The following ZNF234 variants were observed in gnomAD, a reference collection of about 807,000 sequenced individuals.
ZNF234 encodes C2-H2 type zinc finger protein.
Under a neutral mutation model 10.3 loss-of-function variants are expected in ZNF234, and 4 were observed. That is an observed-to-expected ratio of 0.39 (90% CI 0.19 to 0.89). The LOEUF is 0.89. ZNF234 is among the 40% of genes least tolerant of loss of function. ZNF234 has a pLI of 0.38. For synonymous variants in ZNF234, 258 were observed against 280.1 expected (o/e 0.92, Z 0.79); for missense variants, 711 against 836.1 (o/e 0.85, Z 1.85).
Position 44,158,254 on chromosome 19 carries a change from TTTTG to T in ZNF234, c.*139_*142del, listed in dbSNP as rs756684960. 11 of 1,062,682 alleles carry T rather than the reference TTTTG, an allele frequency of 1.0e-5. No individual in the cohort carries two copies. The highest frequency in any genetic ancestry group is 1.6e-5 in the Non-Finnish European group (11 of 704,250). 65.8% of individuals were successfully genotyped at this position (1,062,682 alleles called of 1,614,324 possible). On this transcript the variant is annotated 3_prime_UTR_variant, in exon 6 of 6. Transcript: ENST00000426739. ...GCTCCACATTTCCACCTAGACTTTTTTTTGTTTTTTATTTTTTGTTTTGAAACAG... is the reference window on the plus strand; with the variant it reads ...GCTCCACATTTCCACCTAGACTTTTTTTTTTTATTTTTTGTTTTGAAACAG...
At chr19:44,142,197 T>C (rs900811663) in intron 1 of ZNF234, 117 bp from the exon 2 acceptor site, 4 of 152,270 alleles carry the variant, frequency 2.6e-5, no homozygotes, top group African/African-American at 9.6e-5. Context: ...GGACGCCTTC[T>C]GACCTCTTTT....
At position 44,148,887 on chromosome 19, in the gene ZNF234, G is replaced by A. The variant is rs751283016; in HGVS notation, c.132G>A (p.Leu44=). 2.5e-6 allele frequency: 4 copies of A among 1,613,418 alleles called. No individual in the cohort carries two copies. Among genetic ancestry groups the A allele is most frequent in the East Asian group, 2.2e-5 (1 of 44,868 alleles). The change falls in exon 4 of 6, where the codon CTG becomes CTA. Residue 44 remains leucine, a synonymous_variant. Coordinates refer to ENST00000426739, the MANE Select transcript of ZNF234 (RefSeq NM_006630.3). The stretch of plus-strand genomic sequence containing the variant: ...TGATGCTGGAGAACTTCAGGAACCT[G>A]CTGTCAGTGGGTGAGGACATGAGCT... The part of the protein sequence containing the change: ...QDVMLENFRN[L]LSVGHHPFKH...
chr19:44,150,609 C>T, intron 5 of ZNF234, 104 bp downstream of exon 5: 1 of 874,414 alleles, frequency 1.1e-6, no homozygotes, highest in Non-Finnish European at 1.7e-6. Context: ...AACCTCTGTC[C>T]TGGATGATTG....
chr19:44,153,922 C>T (rs748836783), intron 5 of ZNF234, among the ~76,000 whole-genome samples: 1 of 152,134 alleles, frequency 6.6e-6, no homozygotes, highest in Non-Finnish European at 1.5e-5. Context: ...AAGTGTAAAA[C>T]GAGTATTATG....
chr19:44,156,096 G>A (rs1038837535), intron 5 of ZNF234, among the ~76,000 whole-genome samples, 156 bp from the exon 6 acceptor site: 1 of 152,120 alleles, frequency 6.6e-6, no homozygotes, highest in Non-Finnish European at 1.5e-5. Flanking sequence ...GATTTATCTA[G>A]GCATGGAAAT....
rs146003558 is a variant in ZNF234 at position 44,159,861 on chromosome 19, C to G, written c.*1742C>G. The G allele has an allele frequency of 1.6e-4, 31 of 192,202 alleles. No homozygotes were observed. In the East Asian group the frequency reaches 3.4e-3, roughly 21 times the overall value. The allele number at this position is 192,202 out of a possible 1,614,324, so 11.9% of individuals were successfully genotyped here. A position where few individuals can be genotyped will look rare whatever the true frequency, so the allele number is the denominator to read the frequency against. ...CCAGCCTGACCAACATGGTGAAACC[C>G]CATCTCTACTAAATACAAAAATTAG... is the stretch of plus-strand genomic sequence containing the variant. On this transcript the variant is annotated 3_prime_UTR_variant, in exon 6 of 6. Coordinates refer to ENST00000426739, the MANE Select transcript of ZNF234 (RefSeq NM_006630.3).
intron 3 of ZNF234, among the ~76,000 whole-genome samples, chr19:44,147,761 A>G (rs1968636246): frequency 1.3e-5 from 2 of 152,120 alleles, no homozygotes; most frequent in Admixed American, 1.3e-4. Flanking sequence ...CTGAGGCAGG[A>G]GAATAATTTG....
At chr19:44,143,831 T>C (rs1304545705) in intron 2 of ZNF234, among the ~76,000 whole-genome samples, 1 of 152,036 alleles carries the variant, frequency 6.6e-6, no homozygotes, top group African/African-American at 2.4e-5. Flanking sequence ...TAAAATAAAA[T>C]AAAATTAATT....
At chr19:44,150,783 T>C (rs1003200683) in intron 5 of ZNF234, among the ~76,000 whole-genome samples, 3 of 152,142 alleles carry the variant, frequency 2.0e-5, no homozygotes, top group Admixed American at 1.3e-4. Context: ...CAGTGGCTCA[T>C]GCCTGTAATC....
chr19:44,148,920 A>G (rs778321383), intron 4 of ZNF234, 23 bp downstream of exon 4: 1 of 1,604,900 alleles, frequency 6.2e-7, no homozygotes, highest in African/African-American at 1.3e-5. Flanking sequence ...GCTTTCTAAC[A>G]CTCAATGTCA....
Position 44,157,290 on chromosome 19 carries a change from A to T in ZNF234, c.1274A>T (p.Glu425Val), listed in dbSNP as rs753005346. ...YQVHLVVHTG[E>V]KPYKCEVCGK... ...GTGCATCTGGTAGTCCACACAGGGG[A>T]AAAACCCTATAAATGTGAAGTATGT... Residue 425 changes from glutamate (E) to valine (V), a missense_variant, in exon 6 of 6, where the codon GAA becomes GTA. By Grantham distance (121) the Glu-to-Val change is moderately radical. Coordinates refer to ENST00000426739, the MANE Select transcript of ZNF234 (RefSeq NM_006630.3). 6.2e-7 allele frequency: 1 copy of T among 1,614,042 alleles called. No individual in the cohort carries two copies. Among genetic ancestry groups the T allele is most frequent in the South Asian group, 1.1e-5 (1 of 91,068 alleles).
At chr19:44,154,837 A>G (rs367973775) in intron 5 of ZNF234, among the ~76,000 whole-genome samples, 35 of 151,844 alleles carry the variant, frequency 2.3e-4, no homozygotes, top group African/African-American at 8.2e-4. Flanking sequence ...GAGTCTTGCT[A>G]TGTTGCCCAG....
At chr19:44,153,909 G>A (rs2122139191) in intron 5 of ZNF234, among the ~76,000 whole-genome samples, 1 of 152,304 alleles carries the variant, frequency 6.6e-6, no homozygotes. Flanking sequence ...TTATAAAGTA[G>A]GAAAGTGTAA....
At position 44,157,106 on chromosome 19, in the gene ZNF234, AGAATCCACAC is replaced by A. The variant is rs759251002; in HGVS notation, c.1091_1100del (p.Arg364MetfsTer45). 6.2e-7 allele frequency: 1 copy of A among 1,614,132 alleles called. No individual in the cohort carries two copies. The highest frequency in any genetic ancestry group is 8.5e-7 in the Non-Finnish European group (1 of 1,180,010). Reference sequence around the variant, plus strand: ...GCCTTCACAATTTCAGGCCCATCGGAGAATCCACACTGGAGAGAAACCATACGTATGTAAA... The same window carrying A: ...GCCTTCACAATTTCAGGCCCATCGGATGGAGAGAAACCATACGTATGTAAA... On this transcript the variant is annotated frameshift_variant, in exon 6 of 6. Transcript: ENST00000426739. LOFTEE classifies it low-confidence loss of function (END_TRUNC).
intron 2 of ZNF234, among the ~76,000 whole-genome samples, 185 bp from the exon 3 acceptor site, chr19:44,144,372 A>G (rs1040783883): frequency 6.6e-6 from 1 of 152,032 alleles, no homozygotes; most frequent in Non-Finnish European, 1.5e-5. Context: ...ATAAGATTCC[A>G]TTGTATGGAT....
chr19:44,143,550 A>G (rs1968519350), intron 2 of ZNF234, among the ~76,000 whole-genome samples: 1 of 151,324 alleles, frequency 6.6e-6, no homozygotes, highest in Non-Finnish European at 1.5e-5. Flanking sequence ...CGGAGCTTGC[A>G]GTGAGCCGAG....
At position 44,141,822 on chromosome 19, in the gene ZNF234, G is replaced by C. The variant is rs924630143; in HGVS notation, c.-131+89G>C. ...CCTCGTGTCCCGCGGCGGGAGGCGG[G>C]GGGCATTGGGACTTGGTTGGGTCGC... is the stretch of plus-strand genomic sequence containing the variant. On this transcript the variant is annotated intron_variant, in intron 1 of 5. Transcript: ENST00000426739. This position sits in a 1 kb window ranked among gnomAD's most constrained non-coding sequence, Gnocchi z 4.6. 1 of 152,328 alleles carries C rather than the reference G, an allele frequency of 6.6e-6. No individual in the cohort carries two copies. Among genetic ancestry groups the C allele is most frequent in the African/African-American group, 2.4e-5 (1 of 41,464 alleles). 9.4% of individuals were successfully genotyped at this position (152,328 alleles called of 1,614,324 possible). A position where few individuals can be genotyped will look rare whatever the true frequency, so the allele number is the denominator to read the frequency against.
chr19:44,143,916 T>G (rs767013528), intron 2 of ZNF234, among the ~76,000 whole-genome samples: 2 of 152,256 alleles, frequency 1.3e-5, no homozygotes, highest in African/African-American at 2.4e-5. Context: ...GTTTGCTTAT[T>G]CATTCATTCA....
At chr19:44,150,552 T>C in intron 5 of ZNF234, 47 bp downstream of exon 5, 4 of 1,467,680 alleles carry the variant, frequency 2.7e-6, no homozygotes, top group Non-Finnish European at 3.7e-6. Context: ...TGTCCATCTG[T>C]TGTACTTCTC....
Sources: gnomAD v4.1 joint callset for allele counts (sites outside exome capture counted in the v4.1 genomes callset) on GRCh38, gnomAD v4.1.1 for gene constraint, Gnocchi (gnomAD v3.1) non-coding constraint, MANE v1.5 for transcripts, NCBI Gene and HGNC (gene_info 2026-07-23, HGNC 2026-07-21) for gene names.